The following APOD variants were observed in gnomAD, a reference collection of about 807,000 sequenced individuals.
APOD encodes the protein apo-D.
Under a neutral mutation model 20.4 loss-of-function variants are expected in APOD, and 22 were observed. The observed-to-expected ratio is 1.08, with a 90% CI of 0.77 to 1.54. The LOEUF is 1.54. APOD is among the 40% of genes most tolerant of loss of function. The pLI, the probability that APOD is intolerant of heterozygous loss-of-function variation, is 0.00. For missense variants in APOD, 223 were observed against 229.6 expected (o/e 0.97, Z 0.19); for synonymous variants, 97 against 92.4 (o/e 1.05, Z -0.29).
chr3:195,571,565 T>C (rs574071711), intron 3 of APOD, among the ~76,000 whole-genome samples, 200 bp from the exon 4 acceptor site: 17 of 152,146 alleles, frequency 1.1e-4, no homozygotes, highest in African/African-American at 4.1e-4. Flanking sequence ...CTTGTGACTG[T>C]CTCTGAGGCC....
At chr3:195,579,536 T>G (rs1720300906) in intron 1 of APOD, 41 bp from the exon 2 acceptor site, 2 of 1,580,514 alleles carry the variant, frequency 1.3e-6, no homozygotes, top group Non-Finnish European at 1.7e-6. Context: ...ATTCTGAGCC[T>G]TCTAAGGCCA....
chr3:195,573,679 TC>T (rs903194646), intron 3 of APOD, among the ~76,000 whole-genome samples, 170 bp downstream of exon 3: 4 of 152,150 alleles, frequency 2.6e-5, no homozygotes, highest in Non-Finnish European at 5.9e-5. Context: ...CATAAGTGGA[TC>T]CTAGTCCTTG....
At chr3:195,570,730 C>G (rs1177012725) in intron 4 of APOD, 1 of 157,694 alleles carries the variant, frequency 6.3e-6, no homozygotes. Flanking sequence ...GGTGCTTTCT[C>G]TATTGCCTGT....
In APOD at chr3:195,568,837, G is replaced by GGGGTT. The variant is rs71180934; in HGVS notation, c.*62_*63insAACCC. The GGGGTT allele has an allele frequency of 2.2e-5, 22 of 982,920 alleles. No homozygotes were observed. The highest frequency in any genetic ancestry group is 3.1e-5 in the Non-Finnish European group (20 of 647,800). The allele number at this position is 982,920 out of a possible 1,614,324, so 60.9% of individuals were successfully genotyped here. ...GTTGATTGGTTTGTCTTTATGGGGG[G>GGGGTT]GGGGTAGGGGAAAGCGAAGCAGAAG... On this transcript the variant is annotated 3_prime_UTR_variant, in exon 5 of 5. Transcript: ENST00000343267.
rs1305074577 is a variant in APOD, at chr3:195,576,597, G to A, written c.124-2626C>T. On this transcript the variant is annotated intron_variant, in intron 2 of 4. Coordinates refer to ENST00000343267, the MANE Select transcript of APOD (RefSeq NM_001647.4). ...GGCCGAGGCGGGTGGATCACTTGAG[G>A]TCAGGAGTTCAAGACCAGCATAGCC... is the stretch of plus-strand genomic sequence containing the variant. Among the ~76,000 whole-genome samples the A allele has an allele frequency of 2.7e-5, 4 of 150,862 alleles. No individual in the cohort carries two copies. The East Asian group carries it at 7.9e-4, about 30-fold the overall frequency.
chr3:195,577,664 A>T (rs1720268983), intron 2 of APOD, among the ~76,000 whole-genome samples: 1 of 152,206 alleles, frequency 6.6e-6, no homozygotes, highest in African/African-American at 2.4e-5. Flanking sequence ...AGAGTGCAAA[A>T]ATAAACTCTC....
At chr3:195,582,052 C>T (rs540227751) in intron 1 of APOD, among the ~76,000 whole-genome samples, 1 of 148,276 alleles carries the variant, frequency 6.7e-6, no homozygotes, top group Non-Finnish European at 1.5e-5. Context: ...GCCTGTAATC[C>T]CATGCTGCCT....
At chr3:195,571,418 A>G (rs1165636840) in intron 3 of APOD, 53 bp from the exon 4 acceptor site, 3 of 1,408,960 alleles carry the variant, frequency 2.1e-6, no homozygotes, top group Non-Finnish European at 2.9e-6. Context: ...AGAAAAGAAA[A>G]ACAACTCATT....
At position 195,572,742 on chromosome 3, in the gene APOD, T is replaced by C. The variant is rs915072390; in HGVS notation, c.245+1108A>G. 9.9e-5 allele frequency among the ~76,000 whole-genome samples: 15 copies of C among 152,202 alleles called. No individual in the cohort carries two copies. In the East Asian group the frequency reaches 2.1e-3, roughly 22 times the overall value. ...AAGTCAGTAGGTTGGCCGGGCGTGG[T>C]GGCTCACGCCTGTAATCCCAGCACT... On this transcript the variant is annotated intron_variant, in intron 3 of 4. Coordinates refer to ENST00000343267, the MANE Select transcript of APOD (RefSeq NM_001647.4).
intron 3 of APOD, among the ~76,000 whole-genome samples, chr3:195,572,682 G>A (rs966659926): frequency 4.6e-5 from 7 of 152,162 alleles, no homozygotes; most frequent in African/African-American, 1.7e-4. Flanking sequence ...AGAGCAGGGA[G>A]GCCAACTGAA....
Position 195,568,831 on chromosome 3 carries a change from T to TGGGGGGGGGG in APOD, c.*59_*68dup, listed in dbSNP as rs1553889293. 5.6e-6 allele frequency: 5 copies of TGGGGGGGGGG among 890,884 alleles called. No individual in the cohort carries two copies. The African/African-American group carries it at 1.2e-4, about 22-fold the overall frequency. The allele number at this position is 890,884 out of a possible 1,614,324, so 55.2% of individuals were successfully genotyped here. On this transcript the variant is annotated 3_prime_UTR_variant, in exon 5 of 5. Transcript: ENST00000343267. ...GTCGTGGTTGATTGGTTTGTCTTTA[T>TGGGGGGGGGG]GGGGGGGGGGTAGGGGAAAGCGAAG...
chr3:195,573,869 C>A lies in APOD; in HGVS notation c.226G>T (p.Val76Leu). Reference protein sequence around the residue: ...YSLMENGKIKVLNQELRADGT... With the variant: ...YSLMENGKIKLLNQELRADGT... ...ACTCACCTCAACTCCTGGTTTAACA[C>A]TTTGATCTTTCCGTTTTCCATTAGT... The change falls in exon 3 of 5, where the codon GTG (valine) becomes TTG (leucine). Residue 76 changes from valine (V) to leucine (L), a missense_variant. Physicochemically the swap from Val to Leu is conservative, Grantham distance 32. Coordinates refer to ENST00000343267, the MANE Select transcript of APOD (RefSeq NM_001647.4). 1.9e-6 allele frequency: 3 copies of A among 1,614,212 alleles called. No homozygotes were observed. Among genetic ancestry groups the A allele is most frequent in the Non-Finnish European group, 2.5e-6 (3 of 1,180,018 alleles).
At chr3:195,577,346 T>A (rs902828797) in intron 2 of APOD, among the ~76,000 whole-genome samples, 1 of 152,176 alleles carries the variant, frequency 6.6e-6, no homozygotes, top group Non-Finnish European at 1.5e-5. Flanking sequence ...CCTAATTCAA[T>A]GGAAAGATAC....
At chr3:195,574,178 A>G (rs1422158791) in intron 2 of APOD, among the ~76,000 whole-genome samples, 1 of 152,184 alleles carries the variant, frequency 6.6e-6, no homozygotes, top group Non-Finnish European at 1.5e-5. Flanking sequence ...AATGCTGAGT[A>G]AAGGGCTCTT....
rs142189206 is a variant in APOD at position 195,568,837 on chromosome 3, G to GGAGT, written c.*62_*63insACTC. On this transcript the variant is annotated 3_prime_UTR_variant, in exon 5 of 5. Coordinates refer to ENST00000343267, the MANE Select transcript of APOD (RefSeq NM_001647.4). ...GTTGATTGGTTTGTCTTTATGGGGG[G>GGAGT]GGGGTAGGGGAAAGCGAAGCAGAAG... 4.4e-5 allele frequency: 43 copies of GGAGT among 982,922 alleles called. No individual in the cohort carries two copies. Among genetic ancestry groups the GGAGT allele is most frequent in the Non-Finnish European group, 6.5e-5 (42 of 647,802 alleles). The allele number at this position is 982,922 out of a possible 1,614,324, so 60.9% of individuals were successfully genotyped here. A position where few individuals can be genotyped will look rare whatever the true frequency, so the allele number is the denominator to read the frequency against.
At chr3:195,582,942 A>C (rs1449452154) in intron 1 of APOD, 1 of 152,138 alleles carries the variant, frequency 6.6e-6, no homozygotes, top group Non-Finnish European at 1.5e-5. Flanking sequence ...CAAAAAAAAA[A>C]AAAAAGAAAT....
chr3:195,568,856 G>T lies in APOD; in HGVS notation c.*44C>A. 1 of 1,433,006 alleles carries T rather than the reference G, an allele frequency of 7.0e-7. No individual in the cohort carries two copies. Among genetic ancestry groups the T allele is most frequent in the Non-Finnish European group, 9.8e-7 (1 of 1,017,896 alleles). The allele number at this position is 1,433,006 out of a possible 1,614,324, so 88.8% of individuals were successfully genotyped here. The stretch of plus-strand genomic sequence containing the variant: ...TGGGGGGGGGGTAGGGGAAAGCGAA[G>T]CAGAAGTAACATGGAGTGGGTGCAG... On this transcript the variant is annotated 3_prime_UTR_variant, in exon 5 of 5. Coordinates refer to ENST00000343267, the MANE Select transcript of APOD (RefSeq NM_001647.4).
chr3:195,575,716 C>T (rs1235941639), intron 2 of APOD, among the ~76,000 whole-genome samples: 1 of 152,126 alleles, frequency 6.6e-6, no homozygotes, highest in Non-Finnish European at 1.5e-5. Context: ...CAACCTCTGC[C>T]TCCCGGGTGC....
At chr3:195,569,446 G>A (rs1010131502) in intron 4 of APOD, among the ~76,000 whole-genome samples, 8 of 152,130 alleles carry the variant, frequency 5.3e-5, no homozygotes, top group South Asian at 4.1e-4. Flanking sequence ...GCTGCTCTGT[G>A]TATTCCCAGG....
Sources: gnomAD v4.1 joint callset for allele counts (sites outside exome capture counted in the v4.1 genomes callset) on GRCh38, gnomAD v4.1.1 for gene constraint, MANE v1.5 for transcripts, NCBI Gene and HGNC (gene_info 2026-07-23, HGNC 2026-07-21) for gene names.